Variants in ADGRE3 observed in about 807,000 individuals in gnomAD.
ADGRE3 encodes adhesion G protein-coupled receptor E3, also known as EGF-like module receptor 3.
Under a neutral mutation model 80.1 loss-of-function variants are expected in ADGRE3, and 88 were observed. That is an observed-to-expected ratio of 1.10 (90% CI 0.93 to 1.31). The LOEUF (loss-of-function observed/expected upper bound fraction) is 1.31, where lower values mean the gene tolerates loss of function less well. ADGRE3 is among the 40% of genes most tolerant of loss of function. The pLI is 0.00. For missense variants in ADGRE3, 715 were observed against 776.5 expected (o/e 0.92, Z 0.94); for synonymous variants, 281 against 294.8 (o/e 0.95, Z 0.48).
In ADGRE3 at chr19:14,659,821, T is replaced by G. The variant is rs963020138; in HGVS notation, c.356-1271A>C. On this transcript the variant is annotated intron_variant, in intron 4 of 15. Coordinates refer to ENST00000253673, the MANE Select transcript of ADGRE3 (RefSeq NM_032571.5). Reference sequence around the variant, plus strand: ...GGGAGACAGAGCGAGACTCTGCCTCTGAAAAAAAAAAAAAAAAAAAAAAAA... The same window carrying G: ...GGGAGACAGAGCGAGACTCTGCCTCGGAAAAAAAAAAAAAAAAAAAAAAAA... Among the ~76,000 whole-genome samples, 3 of 14,980 alleles carry G rather than the reference T, an allele frequency of 2.0e-4. No homozygotes were observed. The African/African-American group carries it at 2.4e-3, about 12-fold the overall frequency. The allele number at this position is 14,980 out of a possible 152,430, so 9.8% of individuals were successfully genotyped here.
At chr19:14,659,245 G>A (rs1424919002) in intron 4 of ADGRE3, among the ~76,000 whole-genome samples, 1 of 151,674 alleles carries the variant, frequency 6.6e-6, no homozygotes, top group Admixed American at 6.6e-5. Flanking sequence ...GTTTCGCCAT[G>A]TTGGCCAGGC....
At chr19:14,613,396 T>TA in the ADGRE3 span, among the ~76,000 whole-genome samples, 1 of 47,732 alleles carries the variant, frequency 2.1e-5, no homozygotes, top group African/African-American at 6.4e-5. Flanking sequence ...CTAATTTTAA[T>TA]TTTTTTTTTT....
chr19:14,647,644 C>T (rs1971453087), intron 7 of ADGRE3, among the ~76,000 whole-genome samples: 1 of 151,646 alleles, frequency 6.6e-6, no homozygotes, highest in South Asian at 2.1e-4. Flanking sequence ...TCTCAAACTC[C>T]TGACCTCAGG....
intron 2 of ADGRE3, among the ~76,000 whole-genome samples, chr19:14,663,951 C>G (rs536643399): frequency 1.3e-5 from 2 of 152,134 alleles, no homozygotes; most frequent in Admixed American, 1.3e-4. Flanking sequence ...CCCCCACTCC[C>G]CTGACATATT....
downstream of ADGRE3, among the ~76,000 whole-genome samples, chr19:14,618,411 T>A (rs1449364649): frequency 6.6e-6 from 1 of 151,684 alleles, no homozygotes; most frequent in Non-Finnish European, 1.5e-5. Context: ...CAAAATTAGC[T>A]GGGCATGGTG....
intron 2 of ADGRE3, among the ~76,000 whole-genome samples, chr19:14,665,055 ATTTTTTTTTTT>A (rs916325882): frequency 1.6e-4 from 14 of 89,808 alleles, no homozygotes; most frequent in African/African-American, 6.2e-4. Context: ...GAGCAACCTC[ATTTTTTTTTTT>A]TTTTTTTTTT....
At chr19:14,602,533 A>T in the ADGRE3 span, among the ~76,000 whole-genome samples, 5 of 151,072 alleles carry the variant, frequency 3.3e-5, no homozygotes, top group Non-Finnish European at 5.9e-5. Context: ...ACCTCAAGTG[A>T]TCTGCCGCCT....
chr19:14,608,391 A>G, the ADGRE3 span, among the ~76,000 whole-genome samples: 1 of 151,934 alleles, frequency 6.6e-6, no homozygotes, highest in African/African-American at 2.4e-5. Context: ...AGTCATTCCC[A>G]TTTCCCTGTG....
At chr19:14,633,737 A>ATAAAG (rs1371996897) in intron 11 of ADGRE3, among the ~76,000 whole-genome samples, 1 of 149,770 alleles carries the variant, frequency 6.7e-6, no homozygotes, top group Non-Finnish European at 1.5e-5. Context: ...ATAAAATAAA[A>ATAAAG]TAAAATAAAA....
At chr19:14,666,879 A>T (rs997182217) in intron 2 of ADGRE3, among the ~76,000 whole-genome samples, 1 of 152,264 alleles carries the variant, frequency 6.6e-6, no homozygotes, top group East Asian at 1.9e-4. Context: ...CTTTTCCAGG[A>T]CTTAATACCT....
At chr19:14,667,451 C>T (rs551536082) in intron 2 of ADGRE3, among the ~76,000 whole-genome samples, 1 of 151,886 alleles carries the variant, frequency 6.6e-6, no homozygotes, top group African/African-American at 2.4e-5. Context: ...AAATGTCCAT[C>T]AGTGATAGAC....
At position 14,633,220 on chromosome 19, in the gene ADGRE3, G is replaced by T. The variant is rs732722; in HGVS notation, c.1551+16C>A. The stretch of plus-strand genomic sequence containing the variant: ...TGGTTCTTCCTAGTTTGGGAACATC[G>T]AAGGCACATACTCACAGAGAAAATG... On this transcript the variant is annotated intron_variant, in intron 12 of 15. Coordinates refer to ENST00000253673, the MANE Select transcript of ADGRE3 (RefSeq NM_032571.5). The T allele has an allele frequency of 1.2e-6, 2 of 1,605,874 alleles. No individual in the cohort carries two copies. The highest frequency in any genetic ancestry group is 3.4e-5 in the Admixed American group (2 of 59,520).
chr19:14,614,483 T>C (rs560596338), downstream of ADGRE3, among the ~76,000 whole-genome samples: 1 of 152,218 alleles, frequency 6.6e-6, no homozygotes, highest in South Asian at 2.1e-4. Flanking sequence ...ATAACCATGG[T>C]TTATCAAACA....
intron 3 of ADGRE3, 74 bp from the exon 4 acceptor site, chr19:14,662,192 G>A: frequency 6.7e-7 from 1 of 1,484,918 alleles, no homozygotes; most frequent in Non-Finnish European, 9.3e-7. Context: ...GTCAGGAGTT[G>A]TGCTCTTTCC....
chr19:14,617,377 C>CTTTCTTTCTTTCTTCCTTTCTTT (rs1491527496), downstream of ADGRE3, among the ~76,000 whole-genome samples: 6 of 86,306 alleles, frequency 7.0e-5, no homozygotes, highest in Admixed American at 2.9e-4. Context: ...TTTCTTTCTT[C>CTTTCTTTCTTTCTTCCTTTCTTT]CTTTCTTTCT....
chr19:14,605,788 G>A, the ADGRE3 span, among the ~76,000 whole-genome samples: 1 of 152,106 alleles, frequency 6.6e-6, no homozygotes, highest in Non-Finnish European at 1.5e-5. Flanking sequence ...GCCCAGGCTG[G>A]AGTGCAGTGG....
At chr19:14,609,843 C>G in the ADGRE3 span, among the ~76,000 whole-genome samples, 1 of 147,760 alleles carries the variant, frequency 6.8e-6, no homozygotes, top group African/African-American at 2.5e-5. Flanking sequence ...GTCTCCAAAA[C>G]AAAACAAAAC....
At chr19:14,614,887 A>ATTTT (rs34761800), downstream of ADGRE3, among the ~76,000 whole-genome samples, 2 of 141,636 alleles carry the variant, frequency 1.4e-5, no homozygotes, top group African/African-American at 5.3e-5. Context: ...CCCGGCCCCC[A>ATTTT]TTTTTTTTTT....
chr19:14,631,307 T>G (rs1296156067), intron 13 of ADGRE3, among the ~76,000 whole-genome samples: 1 of 152,108 alleles, frequency 6.6e-6, no homozygotes, highest in Non-Finnish European at 1.5e-5. Flanking sequence ...TTGCACATTT[T>G]ATGCATGAAT....
Sources: gnomAD v4.1 joint callset for allele counts (sites outside exome capture counted in the v4.1 genomes callset) on GRCh38, gnomAD v4.1.1 for gene constraint, MANE v1.5 for transcripts, NCBI Gene and HGNC (gene_info 2026-07-23, HGNC 2026-07-21) for gene names.